The following SORCS1 variants were observed in gnomAD, a reference collection of about 807,000 sequenced individuals.
SORCS1 encodes VPS10 domain-containing receptor SorCS1.
In SORCS1, 60 loss-of-function variants were observed where a neutral mutation model predicts 146.1. The observed-to-expected ratio is 0.41, with a 90% CI of 0.33 to 0.51. The LOEUF is 0.51. Ranked by LOEUF, SORCS1 falls within the 20% of genes least tolerant of loss-of-function variation. The pLI is 0.21. For missense variants in SORCS1, 1,352 were observed against 1,487.6 expected, an observed-to-expected ratio of 0.91 and a Z score of 1.50; for synonymous variants, 637 against 584.0, an observed-to-expected ratio of 1.09 and a Z score of -1.31.
intron 3 of SORCS1, among the ~76,000 whole-genome samples, chr10:106,786,803 A>G (rs1204595324): frequency 1.3e-5 from 2 of 152,250 alleles, no homozygotes; most frequent in African/African-American, 4.8e-5. Flanking sequence ...TATATTCAAT[A>G]TGAATTAAAA....
intron 3 of SORCS1, among the ~76,000 whole-genome samples, chr10:106,803,667 G>C (rs1320992121): frequency 6.6e-6 from 1 of 152,112 alleles, no homozygotes; most frequent in Non-Finnish European, 1.5e-5. Flanking sequence ...ATTGTTTATT[G>C]ACTGATGTGA....
intron 1 of SORCS1, among the ~76,000 whole-genome samples, chr10:106,974,923 T>C (rs1955930430): frequency 6.6e-6 from 1 of 152,180 alleles, no homozygotes; most frequent in African/African-American, 2.4e-5. Context: ...TTTTAAATTG[T>C]CAATGCCACA....
intron 6 of SORCS1, among the ~76,000 whole-genome samples, chr10:106,717,241 C>G (rs1855441739): frequency 6.6e-6 from 1 of 152,186 alleles, no homozygotes; most frequent in Non-Finnish European, 1.5e-5. Context: ...TTCTACTGCT[C>G]TATTACTTAT....
At chr10:106,795,665 G>C (rs1946520311) in intron 3 of SORCS1, among the ~76,000 whole-genome samples, 1 of 152,114 alleles carries the variant, frequency 6.6e-6, no homozygotes, top group South Asian at 2.1e-4. Context: ...GTGATCTTTG[G>C]TATTTATAGG....
At chr10:106,769,453 C>G (rs1319483928) in intron 4 of SORCS1, among the ~76,000 whole-genome samples, 1 of 146,996 alleles carries the variant, frequency 6.8e-6, no homozygotes, top group Non-Finnish European at 1.5e-5. Context: ...CCATTGCACT[C>G]CAGCCTGGGT....
intron 1 of SORCS1, among the ~76,000 whole-genome samples, chr10:106,963,025 A>G (rs537503875): frequency 1.3e-5 from 2 of 152,084 alleles, no homozygotes; most frequent in East Asian, 3.9e-4. Context: ...GAAGAGAATA[A>G]TAAGGAGCCT....
chr10:106,659,771 C>T (rs1032601493), intron 17 of SORCS1, among the ~76,000 whole-genome samples: 8 of 152,194 alleles, frequency 5.3e-5, no homozygotes, highest in East Asian at 3.9e-4. Context: ...GGGCAAGAAT[C>T]GCCATGTGAG....
chr10:106,763,926 C>G (rs1177043521), intron 4 of SORCS1, among the ~76,000 whole-genome samples: 2 of 152,290 alleles, frequency 1.3e-5, no homozygotes, highest in Non-Finnish European at 2.9e-5. Context: ...TCCTATCCTT[C>G]TACGTGTACG....
At chr10:106,806,522 T>C (rs1040675958) in intron 3 of SORCS1, among the ~76,000 whole-genome samples, 2 of 118,064 alleles carry the variant, frequency 1.7e-5, no homozygotes, top group Non-Finnish European at 3.6e-5. Flanking sequence ...TTTTTTTTTT[T>C]TTTTTTTTTT....
At chr10:106,743,575 C>T (rs1424438531) in intron 5 of SORCS1, among the ~76,000 whole-genome samples, 2 of 152,070 alleles carry the variant, frequency 1.3e-5, no homozygotes, top group Non-Finnish European at 2.9e-5. Context: ...CAGGTGCATA[C>T]CACCGTGCCT....
At chr10:106,624,166 G>A (rs2133531700) in intron 19 of SORCS1, among the ~76,000 whole-genome samples, 1 of 152,162 alleles carries the variant, frequency 6.6e-6, no homozygotes, top group Non-Finnish European at 1.5e-5. Flanking sequence ...CAGAAGAAAT[G>A]GCATTTGAGC....
At position 106,842,770 on chromosome 10, in the gene SORCS1, T is replaced by C. The variant is rs150161310; in HGVS notation, c.627-13097A>G. ...CTGGGATTGCAGGCATGTGTCACCA[T>C]GCCCGGCTAATTTTGTATTTTTAGT... On this transcript the variant is annotated intron_variant, in intron 2 of 25. Coordinates refer to ENST00000263054, the MANE Select transcript of SORCS1 (RefSeq NM_052918.5). 1.8e-3 allele frequency among the ~76,000 whole-genome samples: 274 copies of C among 151,260 alleles called. 2 individuals carry two copies. The highest frequency in any genetic ancestry group is 6.3e-3 in the African/African-American group (258 of 41,204).
Position 106,849,778 on chromosome 10 carries a change from T to C in SORCS1, c.627-20105A>G, listed in dbSNP as rs1269117216. Among the ~76,000 whole-genome samples, 3 of 151,726 alleles carry C rather than the reference T, an allele frequency of 2.0e-5. No homozygotes were observed. In the East Asian group the frequency reaches 5.9e-4, roughly 30 times the overall value. ...GATGGGTTTTCGGTGTGGATGTCCT[T>C]TCTGTTTGTTAGTTTTCCTTCTAAC... On this transcript the variant is annotated intron_variant, in intron 2 of 25. Coordinates refer to ENST00000263054, the MANE Select transcript of SORCS1 (RefSeq NM_052918.5).
chr10:107,117,319 T>C (rs987936649), intron 1 of SORCS1, among the ~76,000 whole-genome samples: 1 of 152,158 alleles, frequency 6.6e-6, no homozygotes, highest in African/African-American at 2.4e-5. Flanking sequence ...GAGGTATATA[T>C]CTGAGAACAG....
At chr10:107,124,740 C>T (rs1205046395) in intron 1 of SORCS1, among the ~76,000 whole-genome samples, 2 of 151,950 alleles carry the variant, frequency 1.3e-5, no homozygotes, top group South Asian at 2.1e-4. Context: ...ACAAACAAAA[C>T]GAAAAACAGA....
intron 1 of SORCS1, among the ~76,000 whole-genome samples, chr10:107,028,939 C>T (rs572063687): frequency 3.9e-5 from 6 of 152,180 alleles, no homozygotes; most frequent in Non-Finnish European, 8.8e-5. Context: ...TTGGACTAGA[C>T]AATCTCTCGG....
At chr10:106,627,438 G>A (rs1297993030) in intron 19 of SORCS1, among the ~76,000 whole-genome samples, 3 of 152,180 alleles carry the variant, frequency 2.0e-5, no homozygotes, top group African/African-American at 7.2e-5. Context: ...TATGGTCTAG[G>A]TAGGAGCCAT....
intron 1 of SORCS1, among the ~76,000 whole-genome samples, chr10:106,963,110 ATTTTTTTT>A (rs749174613): frequency 0.074 from 5,633 of 76,526 alleles, 479 homozygotes; most frequent in East Asian, 0.27. Context: ...AATGGCCAGA[ATTTTTTTT>A]TTTTTTTTTT....
At chr10:106,699,528 T>C (rs970768198) in intron 8 of SORCS1, 135 bp from the exon 9 acceptor site, 3 of 679,122 alleles carry the variant, frequency 4.4e-6, no homozygotes, top group African/African-American at 1.9e-5. Context: ...CTTTTGCATA[T>C]ATAAGAAATA....
Sources: gnomAD v4.1 joint callset for allele counts (sites outside exome capture counted in the v4.1 genomes callset) on GRCh38, gnomAD v4.1.1 for gene constraint, MANE v1.5 for transcripts, NCBI Gene and HGNC (gene_info 2026-07-23, HGNC 2026-07-21) for gene names.